The following TRIM55 variants were observed in gnomAD, a reference collection of about 807,000 sequenced individuals.
TRIM55 encodes tripartite motif-containing protein 55.
In TRIM55, 50 loss-of-function variants were observed where a neutral mutation model predicts 60.9. That is an observed-to-expected ratio of 0.82 (90% confidence interval 0.65 to 1.04). TRIM55 has a LOEUF of 1.04. TRIM55 is among the 50% of genes least tolerant of loss of function. The probability of loss-of-function intolerance (pLI) is 0.00; values close to 1 mark genes in which losing one functional copy is unlikely to be tolerated. For synonymous variants in TRIM55, 237 were observed against 238.1 expected (o/e 1.00, Z 0.04); for missense variants, 681 against 666.9 (o/e 1.02, Z -0.23).
chr8:66,114,145 T>A, the TRIM55 span, among the ~76,000 whole-genome samples: 1 of 143,856 alleles, frequency 7.0e-6, no homozygotes, highest in South Asian at 2.4e-4. Flanking sequence ...CTCAATGTTC[T>A]GACCCTTCTC....
At chr8:66,165,924 C>A (rs77306883) in intron 9 of TRIM55, among the ~76,000 whole-genome samples, 3 of 150,720 alleles carry the variant, frequency 2.0e-5, no homozygotes, top group Non-Finnish European at 4.4e-5. Flanking sequence ...TCATTTGTAC[C>A]CTACAACTGC....
chr8:66,127,581 C>T (rs1808882779), intron 1 of TRIM55, 145 bp downstream of exon 1: 2 of 897,744 alleles, frequency 2.2e-6, no homozygotes, highest in Non-Finnish European at 3.4e-6. Flanking sequence ...AGTCCCAGCA[C>T]TTTGGGAGGC....
At chr8:66,145,225 A>T (rs752661197) in intron 4 of TRIM55, among the ~76,000 whole-genome samples, 1 of 152,334 alleles carries the variant, frequency 6.6e-6, no homozygotes, top group Non-Finnish European at 1.5e-5. Context: ...ACTTCATTTC[A>T]TGGAGTATTT....
intron 9 of TRIM55, among the ~76,000 whole-genome samples, chr8:66,168,130 A>T (rs987403198): frequency 2.6e-5 from 4 of 152,036 alleles, no homozygotes; most frequent in African/African-American, 7.3e-5. Context: ...GCTGTGCTGT[A>T]TTTTCACAGC....
intron 1 of TRIM55, among the ~76,000 whole-genome samples, chr8:66,127,873 G>T (rs1488456218): frequency 6.6e-6 from 1 of 152,096 alleles, no homozygotes; most frequent in Non-Finnish European, 1.5e-5. Flanking sequence ...ACTTTATAAA[G>T]TTGCATTTAC....
chr8:66,117,552 G>A, the TRIM55 span, among the ~76,000 whole-genome samples: 1 of 152,136 alleles, frequency 6.6e-6, no homozygotes, highest in African/African-American at 2.4e-5. Flanking sequence ...GATAGGCAAG[G>A]GCCAGATCAT....
intron 9 of TRIM55, among the ~76,000 whole-genome samples, chr8:66,164,651 C>T (rs1476573022): frequency 6.6e-6 from 1 of 152,164 alleles, no homozygotes; most frequent in Non-Finnish European, 1.5e-5. Context: ...TCAGAGACAG[C>T]CTCAGGAACA....
chr8:66,154,545 C>G (rs9694082), intron 9 of TRIM55, among the ~76,000 whole-genome samples: 35,134 of 152,184 alleles, frequency 0.23, 8,147 homozygotes, highest in African/African-American at 0.6. Context: ...AGTTCACTCT[C>G]CTGGTGCATG....
chr8:66,164,249 G>A (rs1811201845), intron 9 of TRIM55, among the ~76,000 whole-genome samples: 1 of 152,270 alleles, frequency 6.6e-6, no homozygotes, highest in African/African-American at 2.4e-5. Context: ...TCCTCCTTCA[G>A]CCACAAGCAC....
At chr8:66,150,009 G>A in intron 5 of TRIM55, 131 bp downstream of exon 5, 1 of 898,662 alleles carries the variant, frequency 1.1e-6, no homozygotes, top group Non-Finnish European at 1.7e-6. Context: ...AACCCCATGT[G>A]CTTATATATT....
rs932740778 is a variant in TRIM55 at position 66,150,006 on chromosome 8, T to G, written c.837+128T>G. 4.5e-6 allele frequency: 4 copies of G among 898,604 alleles called. No individual in the cohort carries two copies. The Admixed American group carries it at 1.1e-4, about 25-fold the overall frequency. The allele number at this position is 898,604 out of a possible 1,614,324, so 55.7% of individuals were successfully genotyped here. ...TTTACCAACTAAAATATAAACCCCATGTGCTTATATATTAATCTATTTAAA... is the reference window on the plus strand; with the variant it reads ...TTTACCAACTAAAATATAAACCCCAGGTGCTTATATATTAATCTATTTAAA... On this transcript the variant is annotated intron_variant, in intron 5 of 9. Coordinates refer to ENST00000315962, the MANE Select transcript of TRIM55 (RefSeq NM_184085.2).
chr8:66,135,683 T>C (rs1272070402), intron 3 of TRIM55, among the ~76,000 whole-genome samples: 1 of 152,102 alleles, frequency 6.6e-6, no homozygotes, highest in Non-Finnish European at 1.5e-5. Flanking sequence ...AACACAGACT[T>C]GTGCTGGCCC....
In TRIM55 at chr8:66,167,565, C is replaced by T. The variant is rs77647774; in HGVS notation, c.1525-6906C>T. ...AAACAGTACACACCACAGCATCCTC[C>T]TCCACGTCAGGAAGAAGTGAGTTTA... is the stretch of plus-strand genomic sequence containing the variant. On this transcript the variant is annotated intron_variant, in intron 9 of 9. Coordinates refer to ENST00000315962, the MANE Select transcript of TRIM55 (RefSeq NM_184085.2). 2.7e-3 allele frequency among the ~76,000 whole-genome samples: 406 copies of T among 152,294 alleles called. 1 individual carries two copies. The highest frequency in any genetic ancestry group is 4.4e-3 in the Non-Finnish European group (296 of 68,028).
chr8:66,170,106 G>A (rs1221192362), intron 9 of TRIM55, among the ~76,000 whole-genome samples: 1 of 152,060 alleles, frequency 6.6e-6, no homozygotes, highest in Non-Finnish European at 1.5e-5. Flanking sequence ...AGTATATAAT[G>A]TGTATACTCC....
At chr8:66,135,327 G>A (rs781558160) in intron 3 of TRIM55, among the ~76,000 whole-genome samples, 172 bp downstream of exon 3, 9 of 152,216 alleles carry the variant, frequency 5.9e-5, no homozygotes, top group Non-Finnish European at 8.8e-5. Context: ...GCACAGTTGT[G>A]CACGAGGCAC....
intron 2 of TRIM55, among the ~76,000 whole-genome samples, chr8:66,130,561 T>G (rs970877800): frequency 5.0e-5 from 5 of 100,866 alleles, no homozygotes; most frequent in South Asian, 3.0e-4. Flanking sequence ...TGGAAGGGGG[T>G]CGGGGGGGGT....
rs766018012 is a variant in TRIM55, at chr8:66,154,141, G to A, written c.1331G>A (p.Ser444Asn). 1 of 1,614,104 alleles carries A rather than the reference G, an allele frequency of 6.2e-7. No individual in the cohort carries two copies. The part of the protein sequence containing the change: ...AETADPLFYP[S>N]WYKGQTRKAT... ...ACTGCGGATCCCTTGTTTTACCCTA[G>A]TTGGTATAAAGGCCAAACCCGGAAA... Residue 444 changes from serine to asparagine, a missense_variant, in exon 9 of 10, where the codon AGT becomes AAT. Physicochemically the swap from Ser to Asn is conservative, Grantham distance 46. Coordinates refer to ENST00000315962, the MANE Select transcript of TRIM55 (RefSeq NM_184085.2).
chr8:66,149,119 A>C (rs772052407), intron 4 of TRIM55, among the ~76,000 whole-genome samples: 1 of 152,180 alleles, frequency 6.6e-6, no homozygotes, highest in Non-Finnish European at 1.5e-5. Flanking sequence ...ACTTGGTTGC[A>C]GTGTGTAAGT....
chr8:66,114,082 A>AACC, the TRIM55 span, among the ~76,000 whole-genome samples: 73 of 75,324 alleles, frequency 9.7e-4, 3 homozygotes, highest in Non-Finnish European at 1.3e-3. Flanking sequence ...AAGGAGAGAC[A>AACC]CCCCCCCCCC....
Sources: allele counts gnomAD v4.1 joint callset (sites outside exome capture counted in the v4.1 genomes callset), GRCh38; gene constraint gnomAD v4.1.1; transcripts MANE v1.5; gene names NCBI Gene and HGNC (gene_info 2026-07-23, HGNC 2026-07-21).